The following ZNF638 variants were observed in gnomAD, a reference collection of about 807,000 sequenced individuals.
ZNF638 encodes the protein CTCL tumor antigen se33-1.
A neutral mutation model predicts 195.6 loss-of-function variants in ZNF638; 46 were observed. The ratio of observed to expected loss-of-function variants is 0.24; its 90% CI spans 0.19 to 0.30. ZNF638 has a LOEUF of 0.30. Ranked by LOEUF, ZNF638 falls within the 10% of genes least tolerant of loss-of-function variation. ZNF638 has a pLI of 1.00. For missense variants in ZNF638, 2,440 were observed against 2,325.3 expected (o/e 1.05, Z -1.01); for synonymous variants, 845 against 772.0 (o/e 1.09, Z -1.57).
chr2:71,393,842 T>G (rs1253779877), intron 10 of ZNF638, among the ~76,000 whole-genome samples: 1 of 152,108 alleles, frequency 6.6e-6, no homozygotes, highest in Non-Finnish European at 1.5e-5. Flanking sequence ...GGGTCCGTTA[T>G]TAATGGCACA....
intron 26 of ZNF638, among the ~76,000 whole-genome samples, chr2:71,432,065 G>T (rs1301721392): frequency 6.6e-6 from 1 of 152,208 alleles, no homozygotes; most frequent in African/African-American, 2.4e-5. Flanking sequence ...ATCTTTGCTA[G>T]CCGACTTTGT....
chr2:71,387,950 T>G (rs1209662939), intron 10 of ZNF638, among the ~76,000 whole-genome samples: 4 of 152,106 alleles, frequency 2.6e-5, no homozygotes, highest in Non-Finnish European at 5.9e-5. Flanking sequence ...AATAGTATGA[T>G]TAGGCAGATT....
In ZNF638 at chr2:71,431,350, G is replaced by T. The variant is rs1214438658; in HGVS notation, c.5674G>T (p.Asp1892Tyr). ...SEVDEESGLK[D>Y]SEPERKRKKT... ...AGTTGATGAGGAATCTGGATTAAAG[G>T]ATTCAGAACCAGAGCGAAAACGCAA... is the stretch of plus-strand genomic sequence containing the variant. Residue 1892 changes from aspartate (D) to tyrosine (Y), a missense_variant, in exon 26 of 28, where the codon GAT becomes TAT. Transcript: ENST00000264447. 2 of 1,613,496 alleles carry T rather than the reference G, an allele frequency of 1.2e-6. No homozygotes were observed. The highest frequency in any genetic ancestry group is 1.3e-5 in the African/African-American group (1 of 74,902).
rs540438074 is a variant in ZNF638, at chr2:71,380,482, T to G, written c.2325-31T>G. 12 of 1,567,868 alleles carry G rather than the reference T, an allele frequency of 7.7e-6. No homozygotes were observed. In the Admixed American group the frequency reaches 1.8e-4, roughly 23 times the overall value. ...TTTTGTAGAACTTAGAATTCCTAAG[T>G]TGCTGCTAAATTTTTTCTCCTTTTA... On this transcript the variant is annotated intron_variant, in intron 9 of 27. Transcript: ENST00000264447.
chr2:71,339,973 T>C (rs1212448632), intron 1 of ZNF638, among the ~76,000 whole-genome samples: 1 of 152,164 alleles, frequency 6.6e-6, no homozygotes, highest in Non-Finnish European at 1.5e-5. Context: ...AATAAAAAGG[T>C]ATATCTTACA....
Position 71,349,339 on chromosome 2 carries a change from C to T in ZNF638, c.385C>T (p.Pro129Ser). ...TGTAACACAGGTTACAGAGCAGAGT[C>T]CCAAAGTACAGAGCCGCTATACAAA... ...SSVTQVTEQS[P>S]KVQSRYTKES... is the part of the protein sequence containing the mutation. The change falls in exon 2 of 28, where the codon CCC (proline) becomes TCC (serine). Residue 129 changes from proline (P) to serine (S), a missense_variant. This residue lies in a region of ZNF638 where 191 missense variants were observed against 173.8 expected (regional missense o/e 1.10). Coordinates refer to ENST00000264447, the MANE Select transcript of ZNF638 (RefSeq NM_014497.5). The T allele has an allele frequency of 6.2e-7, 1 of 1,614,116 alleles. No homozygotes were observed. The highest frequency in any genetic ancestry group is 8.5e-7 in the Non-Finnish European group (1 of 1,180,024).
In ZNF638 at chr2:71,400,528, C is replaced by T. The variant is rs1189104999; in HGVS notation, c.2697+10C>T. On this transcript the variant is annotated intron_variant, in intron 15 of 27. Coordinates refer to ENST00000264447, the MANE Select transcript of ZNF638 (RefSeq NM_014497.5). The stretch of plus-strand genomic sequence containing the variant: ...TGAACCACTTAACAAGGTCAGTTTT[C>T]ATGTTTTATTTATTTCTTTAAAGCT... The T allele has an allele frequency of 1.3e-6, 2 of 1,593,802 alleles. No homozygotes were observed. The highest frequency in any genetic ancestry group is 1.7e-6 in the Non-Finnish European group (2 of 1,171,646).
chr2:71,367,643 G>T (rs897340089), intron 6 of ZNF638, among the ~76,000 whole-genome samples: 13 of 151,518 alleles, frequency 8.6e-5, no homozygotes, highest in African/African-American at 2.9e-4. Context: ...GTTTCACCGT[G>T]TTGGTCAGGC....
Position 71,406,429 on chromosome 2 carries a change from G to A in ZNF638, c.3135+167G>A, listed in dbSNP as rs78021036. 0.053 allele frequency among the ~76,000 whole-genome samples: 7,993 copies of A among 152,162 alleles called. 947 individuals are homozygous for A. The East Asian group carries it at 0.55, about 10-fold the overall frequency. The stretch of plus-strand genomic sequence containing the variant: ...TTTTATTTTGGACTGGGCCGAGAAA[G>A]AAGAGATGACCTCTCTTTTTTCAGA... On this transcript the variant is annotated intron_variant, in intron 19 of 27. Coordinates refer to ENST00000264447, the MANE Select transcript of ZNF638 (RefSeq NM_014497.5).
intron 10 of ZNF638, among the ~76,000 whole-genome samples, chr2:71,385,210 T>C (rs2079612231): frequency 6.6e-6 from 1 of 152,230 alleles, no homozygotes; most frequent in African/African-American, 2.4e-5. Flanking sequence ...ACAGCCATTC[T>C]AGAAAAGAGT....
intron 23 of ZNF638, among the ~76,000 whole-genome samples, chr2:71,425,244 C>G (rs1268214738): frequency 6.6e-6 from 1 of 151,972 alleles, no homozygotes; most frequent in Non-Finnish European, 1.5e-5. Context: ...TTTTACTTTT[C>G]TTACCTGGTA....
intron 16 of ZNF638, among the ~76,000 whole-genome samples, chr2:71,402,868 T>G (rs1486599984): frequency 6.6e-6 from 1 of 152,100 alleles, no homozygotes; most frequent in East Asian, 1.9e-4. Context: ...GAAAGTAGAA[T>G]AGGATATATG....
rs1288082318 is a variant in ZNF638 at position 71,331,811 on chromosome 2, T to C, written c.-267T>C. On this transcript the variant is annotated 5_prime_UTR_variant, in exon 1 of 28. Transcript: ENST00000264447. ...GCGGTAGCGTTTTCGGCGTCGAGACTGGAGGCTGAGTGCTAAACTGTGTGG... is the reference window on the plus strand; with the variant it reads ...GCGGTAGCGTTTTCGGCGTCGAGACCGGAGGCTGAGTGCTAAACTGTGTGG... The C allele has an allele frequency of 2.5e-5, 25 of 986,002 alleles. No homozygotes were observed. The highest frequency in any genetic ancestry group is 3.5e-5 in the African/African-American group (2 of 57,244). 61.1% of individuals were successfully genotyped at this position (986,002 alleles called of 1,614,324 possible). A position where few individuals can be genotyped will look rare whatever the true frequency, so the allele number is the denominator to read the frequency against.
At chr2:71,338,373 ACT>A (rs955568349) in intron 1 of ZNF638, among the ~76,000 whole-genome samples, 13 of 151,612 alleles carry the variant, frequency 8.6e-5, no homozygotes, top group African/African-American at 2.4e-4. Context: ...GTATTTATGG[ACT>A]CTGTTTTTTC....
intron 25 of ZNF638, among the ~76,000 whole-genome samples, chr2:71,429,940 T>G (rs2080622366): frequency 6.6e-6 from 1 of 152,194 alleles, no homozygotes; most frequent in Admixed American, 6.5e-5. Flanking sequence ...TAGGTGGTGG[T>G]TCAGTAATTA....
In ZNF638 at chr2:71,350,106, C is replaced by A. The variant is rs762633342; in HGVS notation, c.1152C>A (p.Pro384=). Reference sequence around the variant, plus strand: ...AGGCTGACATTCCCATTCGGTCTCCCTTTGGTATTGTGAAAGCATCCTGGC... The same window carrying A: ...AGGCTGACATTCCCATTCGGTCTCCATTTGGTATTGTGAAAGCATCCTGGC... The part of the protein sequence containing the change: ...QSQADIPIRS[P]FGIVKASWLP... The change falls in exon 2 of 28, where the codon CCC becomes CCA. Residue 384 remains proline (P), a synonymous_variant. Coordinates refer to ENST00000264447, the MANE Select transcript of ZNF638 (RefSeq NM_014497.5). The A allele has an allele frequency of 2.5e-6, 4 of 1,614,122 alleles. No homozygotes were observed. The South Asian group carries it at 4.4e-5, about 18-fold the overall frequency.
intron 6 of ZNF638, 129 bp from the exon 7 acceptor site, chr2:71,368,253 G>C (rs2079241449): frequency 2.6e-6 from 2 of 780,328 alleles, no homozygotes; most frequent in African/African-American, 3.6e-5. Context: ...AAAGAAAAAT[G>C]GGTAAAAAAT....
At chr2:71,372,004 T>C (rs1452706675) in intron 8 of ZNF638, among the ~76,000 whole-genome samples, 2 of 152,104 alleles carry the variant, frequency 1.3e-5, no homozygotes, top group African/African-American at 4.8e-5. Flanking sequence ...GGAGAGAGAG[T>C]TCCTCCAGTG....
Position 71,346,275 on chromosome 2 carries a change from G to A in ZNF638, c.-202-2478G>A, listed in dbSNP as rs1045267092. Among the ~76,000 whole-genome samples the A allele has an allele frequency of 5.3e-5, 8 of 152,300 alleles. No individual in the cohort carries two copies. In the East Asian group the frequency reaches 7.7e-4, roughly 15 times the overall value. On this transcript the variant is annotated intron_variant, in intron 1 of 27. Coordinates refer to ENST00000264447, the MANE Select transcript of ZNF638 (RefSeq NM_014497.5). The stretch of plus-strand genomic sequence containing the variant: ...GATAAACTGCTTACATAAGCAATGC[G>A]TATCTTTTAGGATTGGGTGAAGACA...
Sources: gnomAD v4.1 joint callset for allele counts (sites outside exome capture counted in the v4.1 genomes callset) on GRCh38, gnomAD v4.1.1 for gene constraint, gnomAD v4.1.1 regional missense constraint, MANE v1.5 for transcripts, NCBI Gene and HGNC (gene_info 2026-07-23, HGNC 2026-07-21) for gene names.